Variants in CIITA observed in about 807,000 individuals in gnomAD.
The protein encoded by CIITA is class II major histocompatibility complex transactivator.
A neutral mutation model predicts 115.1 loss-of-function variants in CIITA; 72 were observed. The ratio of observed to expected loss-of-function variants is 0.63; its 90% CI spans 0.52 to 0.76. The LOEUF (loss-of-function observed/expected upper bound fraction) is 0.76. Among genes scored for constraint, CIITA ranks in the 30% least tolerant of loss-of-function variants. CIITA has a pLI of 0.00. For synonymous variants in CIITA, 763 were observed against 635.6 expected (o/e 1.20, Z -3.02); for missense variants, 1,617 against 1,463.8 (o/e 1.10, Z -1.71).
chr16:10,880,124 C>A (rs2036269994), intron 1 of CIITA, among the ~76,000 whole-genome samples: 1 of 152,236 alleles, frequency 6.6e-6, no homozygotes, highest in South Asian at 2.1e-4. Context: ...ACCTTGCAAA[C>A]CCCCGGCTCC....
downstream of CIITA, chr16:10,938,654 T>G (rs2041062061): frequency 1.3e-5 from 2 of 152,358 alleles, no homozygotes; most frequent in Admixed American, 6.5e-5. The surrounding 1 kb of genome is among the most constrained non-coding windows in gnomAD (Gnocchi z 4.9). Context: ...CCTGGGGTTC[T>G]GAGCTTCCTC....
Position 10,922,213 on chromosome 16 carries a change from C to A in CIITA, c.3196C>A (p.Arg1066Ser). 1.9e-6 allele frequency: 3 copies of A among 1,614,230 alleles called. No individual in the cohort carries two copies. The highest frequency in any genetic ancestry group is 1.7e-6 in the Non-Finnish European group (2 of 1,180,046). The change falls in exon 17 of 20, where the codon CGT (arginine) becomes AGT (serine). Residue 1066 changes from arginine to serine, a missense_variant. Arg to Ser is a moderately radical substitution (Grantham distance 110). Coordinates refer to ENST00000324288, the MANE Select transcript of CIITA (RefSeq NM_000246.4). ...CGACGTGGGAGCCGAGAGCTTGGCT[C>A]GTGTGCTTCCGGACATGGTGTCCCT... is the stretch of plus-strand genomic sequence containing the variant. ...ICDVGAESLA[R>S]VLPDMVSLRV...
chr16:10,901,974 C>A lies in CIITA; in HGVS notation c.482-64C>A. On this transcript the variant is annotated intron_variant, in intron 6 of 19. Coordinates refer to ENST00000324288, the MANE Select transcript of CIITA (RefSeq NM_000246.4). This position sits in a 1 kb window ranked among gnomAD's most constrained non-coding sequence, Gnocchi z 6.8. ...GAGAGACATCCATGCCACTCCAGGG[C>A]CCTCCCCATCCCAGGAAGGCCCCTC... is the stretch of plus-strand genomic sequence containing the variant. 6.3e-7 allele frequency: 1 copy of A among 1,593,784 alleles called. No individual in the cohort carries two copies. Among genetic ancestry groups the A allele is most frequent in the East Asian group, 2.2e-5 (1 of 44,798 alleles).
At position 10,904,755 on chromosome 16, in the gene CIITA, T is replaced by A; in HGVS notation, c.949T>A (p.Ser317Thr). Reference protein sequence around the residue: ...SRANMTEHKTSPTQCPAAGEV... With the variant: ...SRANMTEHKTTPTQCPAAGEV... ...TTCTCCATCTCCAGAGCACAAGACG[T>A]CCCCCACCCAATGCCCGGCAGCTGG... Residue 317 changes from serine (S) to threonine (T), a missense_variant, in exon 10 of 20, where the codon TCC becomes ACC. Coordinates refer to ENST00000324288, the MANE Select transcript of CIITA (RefSeq NM_000246.4). 3 of 1,613,828 alleles carry A rather than the reference T, an allele frequency of 1.9e-6. 1 individual carries two copies. In the South Asian group the frequency reaches 3.3e-5, roughly 18 times the overall value.
intron 16 of CIITA, among the ~76,000 whole-genome samples, chr16:10,919,611 C>T (rs912191233): frequency 9.9e-5 from 15 of 152,100 alleles, no homozygotes; most frequent in Admixed American, 5.2e-4. Flanking sequence ...TGGACTGAAG[C>T]GAACCTCCCA....
intron 1 of CIITA, among the ~76,000 whole-genome samples, chr16:10,887,221 A>T (rs2037041101): frequency 6.6e-6 from 1 of 151,900 alleles, no homozygotes; most frequent in South Asian, 2.1e-4. Context: ...GCTTGTCATG[A>T]GGTTGGGGAG....
chr16:10,916,330 A>T lies in CIITA; in HGVS notation c.2970-37A>T, dbSNP rs191788621. On this transcript the variant is annotated intron_variant, in intron 14 of 19. Transcript: ENST00000324288. ...ATGGGAAGGGTCAGATGGCCCCAGG[A>T]CGCTAGCTGATGGCCCCCATCTGAT... 4.4e-5 allele frequency: 71 copies of T among 1,599,436 alleles called. No homozygotes were observed. In the East Asian group the frequency reaches 1.5e-3, roughly 35 times the overall value.
Position 10,902,020 on chromosome 16 carries a change from C to G in CIITA, c.482-18C>G. 1 of 1,613,798 alleles carries G rather than the reference C, an allele frequency of 6.2e-7. No individual in the cohort carries two copies. Among genetic ancestry groups the G allele is most frequent in the South Asian group, 1.1e-5 (1 of 91,074 alleles). On this transcript the variant is annotated intron_variant, in intron 6 of 19. Transcript: ENST00000324288. ...CCCTCCAAGCACCCAGTCTCTAACACAGCCCACTTCCTCACAGCTGAGCCC... is the reference window on the plus strand; with the variant it reads ...CCCTCCAAGCACCCAGTCTCTAACAGAGCCCACTTCCTCACAGCTGAGCCC...
At chr16:10,903,037 G>A (rs1476455709) in intron 8 of CIITA, among the ~76,000 whole-genome samples, 3 of 152,152 alleles carry the variant, frequency 2.0e-5, no homozygotes, top group Non-Finnish European at 4.4e-5. Flanking sequence ...TCCATATGTT[G>A]CTTTCCCCTT....
chr16:10,918,750 C>G lies in CIITA; in HGVS notation c.3149+224C>G, dbSNP rs199476079. ...GGAAAATGGGAACCATCCTAATGGTCTATGTAAGCACTTGTCACAATGCCA... is the reference window on the plus strand; with the variant it reads ...GGAAAATGGGAACCATCCTAATGGTGTATGTAAGCACTTGTCACAATGCCA... On this transcript the variant is annotated intron_variant, in intron 16 of 19. Transcript: ENST00000324288. Among the ~76,000 whole-genome samples the G allele has an allele frequency of 6.6e-6, 1 of 152,348 alleles. No individual in the cohort carries two copies. Among genetic ancestry groups the G allele is most frequent in the Non-Finnish European group, 1.5e-5 (1 of 68,032 alleles).
chr16:10,918,847 G>T (rs1449653144), intron 16 of CIITA, among the ~76,000 whole-genome samples: 2 of 152,150 alleles, frequency 1.3e-5, no homozygotes, highest in African/African-American at 4.8e-5. Flanking sequence ...CCGGAACCTA[G>T]GGGTGGTGGC....
intron 18 of CIITA, 118 bp downstream of exon 18, chr16:10,922,608 C>G: frequency 2.1e-6 from 2 of 954,992 alleles, no homozygotes; most frequent in Non-Finnish European, 1.7e-6. Flanking sequence ...CCTGGGTGAG[C>G]AGACACTTCC....
intron 1 of CIITA, among the ~76,000 whole-genome samples, chr16:10,890,223 T>C (rs565127544): frequency 1.3e-5 from 2 of 152,056 alleles, no homozygotes; most frequent in East Asian, 3.9e-4. Flanking sequence ...CCCAGGCAAC[T>C]TCTCAGTGGT....
chr16:10,941,349 T>G, downstream of CIITA: 1 of 213,700 alleles, frequency 4.7e-6, no homozygotes, highest in Non-Finnish European at 8.8e-6. This position sits in a 1 kb window ranked among gnomAD's most constrained non-coding sequence, Gnocchi z 6.4. Flanking sequence ...AGTCTCGGGG[T>G]CTCCTTCCTT....
chr16:10,890,795 T>C (rs765137106), intron 1 of CIITA, among the ~76,000 whole-genome samples: 1 of 152,240 alleles, frequency 6.6e-6, no homozygotes, highest in Non-Finnish European at 1.5e-5. Flanking sequence ...CTTAAACTTC[T>C]GTTCATTCAG....
chr16:10,898,342 G>A (rs7405319), intron 3 of CIITA, among the ~76,000 whole-genome samples: 5 of 151,918 alleles, frequency 3.3e-5, no homozygotes, highest in African/African-American at 1.2e-4. Flanking sequence ...GGTTAAATAA[G>A]TAGCCCAAGA....
At chr16:10,867,318 T>G (rs1380555338) in intron 1 of CIITA, among the ~76,000 whole-genome samples, 1 of 96,052 alleles carries the variant, frequency 1.0e-5, no homozygotes, top group African/African-American at 2.9e-5. Context: ...GCCCACTGTG[T>G]GTGTTGGGGG....
chr16:10,914,806 C>T lies in CIITA; in HGVS notation c.2889-764C>T, dbSNP rs146806467. On this transcript the variant is annotated intron_variant, in intron 13 of 19. Coordinates refer to ENST00000324288, the MANE Select transcript of CIITA (RefSeq NM_000246.4). Reference sequence around the variant, plus strand: ...GCCGAGGGAAGGGCCTAGCATGCCCCTGGCTTATAATAAATGCTCAACAAA... The same window carrying T: ...GCCGAGGGAAGGGCCTAGCATGCCCTTGGCTTATAATAAATGCTCAACAAA... Among the ~76,000 whole-genome samples, 20 of 152,266 alleles carry T rather than the reference C, an allele frequency of 1.3e-4. No individual in the cohort carries two copies. The East Asian group carries it at 3.9e-3, about 29-fold the overall frequency.
At chr16:10,885,906 A>AGGGC (rs1262238429) in intron 1 of CIITA, among the ~76,000 whole-genome samples, 1 of 152,148 alleles carries the variant, frequency 6.6e-6, no homozygotes, top group East Asian at 1.9e-4. Context: ...TTAACTGCCC[A>AGGGC]GTGCAGCCCA....
Sources: allele counts gnomAD v4.1 joint callset (sites outside exome capture counted in the v4.1 genomes callset), GRCh38; gene constraint gnomAD v4.1.1; non-coding constraint Gnocchi (gnomAD v3.1); transcripts MANE v1.5; gene names NCBI Gene and HGNC (gene_info 2026-07-23, HGNC 2026-07-21).